PACRGL: variants seen among roughly 807,000 people sequenced by gnomAD.
The protein encoded by PACRGL is parkin coregulated like, also known as PACRG-like protein.
A neutral mutation model predicts 34.5 loss-of-function variants in PACRGL; 38 were observed. The observed-to-expected ratio is 1.10, with a 90% CI of 0.85 to 1.44. PACRGL has a LOEUF of 1.44. Ranked by LOEUF, PACRGL falls within the 40% of genes most tolerant of loss-of-function variation. The probability of loss-of-function intolerance (pLI) is 0.00; values close to 1 mark genes in which losing one functional copy is unlikely to be tolerated. For missense variants in PACRGL, 305 were observed against 281.4 expected (o/e 1.08, Z -0.60); for synonymous variants, 128 against 100.1 (o/e 1.28, Z -1.66).
At position 20,730,604 on chromosome 4, in the gene PACRGL, A is replaced by AACATGTTTGCAGTAATCATCTCTCTTTCT. The variant is rs1747834573; in HGVS notation, c.*3264_*3292dup. Among the ~76,000 whole-genome samples the AACATGTTTGCAGTAATCATCTCTCTTTCT allele has an allele frequency of 6.6e-6, 1 of 152,082 alleles. No individual in the cohort carries two copies. ...GAGGCAGGGTGGTGGATTAAGAGGT[A>AACATGTTTGCAGTAATCATCTCTCTTTCT]ACATGTTTGCAGTAATCATCTCTCT... On this transcript the variant is annotated 3_prime_UTR_variant, in exon 9 of 9. Transcript: ENST00000503585.
Position 20,713,496 on chromosome 4 carries a change from T to C in PACRGL, c.566T>C (p.Val189Ala), listed in dbSNP as rs367817884. 3.1e-5 allele frequency: 50 copies of C among 1,613,600 alleles called. No homozygotes were observed. The highest frequency in any genetic ancestry group is 4.0e-5 in the African/African-American group (3 of 74,910). Residue 189 changes from valine to alanine, a missense_variant, in exon 7 of 9, where the codon GTT becomes GCT. Coordinates refer to ENST00000503585, the MANE Select transcript of PACRGL (RefSeq NM_001258345.3). ...LNALVQLSVV[V>A]GPSLNDHLKH... ...GCTCTAGTTCAGCTAAGTGTCGTTG[T>C]TGGTCCTTCTCTAAACGACCATCTG...
chr4:20,754,560 A>G (rs1236522924), downstream of PACRGL, among the ~76,000 whole-genome samples: 4 of 152,204 alleles, frequency 2.6e-5, no homozygotes, highest in South Asian at 4.1e-4. Flanking sequence ...TATGATATTA[A>G]TTTTTAAAAA....
downstream of PACRGL, among the ~76,000 whole-genome samples, chr4:20,736,201 T>G (rs967059400): frequency 6.6e-6 from 1 of 152,214 alleles, no homozygotes; most frequent in Non-Finnish European, 1.5e-5. Flanking sequence ...TACACAAGTA[T>G]AAGATATATT....
intron 8 of PACRGL, among the ~76,000 whole-genome samples, chr4:20,748,754 A>G (rs1472363477): frequency 6.7e-6 from 1 of 150,226 alleles, no homozygotes; most frequent in African/African-American, 2.4e-5. Flanking sequence ...TTTCCCTAAC[A>G]AAAATAAAAG....
intron 7 of PACRGL, among the ~76,000 whole-genome samples, chr4:20,714,705 A>C (rs998930001): frequency 4.6e-5 from 7 of 152,184 alleles, no homozygotes; most frequent in Admixed American, 4.6e-4. Flanking sequence ...GTGGAAATGC[A>C]AATCAAAACC....
intron 7 of PACRGL, among the ~76,000 whole-genome samples, chr4:20,713,955 T>TG (rs1380708569): frequency 5.3e-5 from 8 of 152,202 alleles, no homozygotes; most frequent in African/African-American, 1.4e-4. Flanking sequence ...GGTGTGGTGC[T>TG]GAAAAAAATG....
chr4:20,740,936 A>G (rs530963309), intron 8 of PACRGL, among the ~76,000 whole-genome samples: 3 of 152,288 alleles, frequency 2.0e-5, no homozygotes, highest in Non-Finnish European at 4.4e-5. Flanking sequence ...TCTCTGATAA[A>G]ACAGACATTA....
Position 20,728,923 on chromosome 4 carries a change from T to TGATTA in PACRGL, c.*1582_*1583insGATTA, listed in dbSNP as rs397799349. ...ACTTTACAGTTTTGGCTAAGATGAT[T>TGATTA]AAAAATAATCTGAATTATGATGAGC... On this transcript the variant is annotated 3_prime_UTR_variant, in exon 9 of 9. Transcript: ENST00000503585. 2 of 152,198 alleles carry TGATTA rather than the reference T, an allele frequency of 1.3e-5. No individual in the cohort carries two copies. The highest frequency in any genetic ancestry group is 4.8e-5 in the African/African-American group (2 of 41,362). 9.4% of individuals were successfully genotyped at this position (152,198 alleles called of 1,614,324 possible).
chr4:20,713,441 G>T lies in PACRGL; in HGVS notation c.511G>T (p.Asp171Tyr). 2 of 1,613,374 alleles carry T rather than the reference G, an allele frequency of 1.2e-6. No homozygotes were observed. The highest frequency in any genetic ancestry group is 1.7e-6 in the Non-Finnish European group (2 of 1,179,614). Reference sequence around the variant, plus strand: ...CTAACCAACCTTACAGGTCCATTCGGATGATGAAGTGTTTGAAAGAGGATT... The same window carrying T: ...CTAACCAACCTTACAGGTCCATTCGTATGATGAAGTGTTTGAAAGAGGATT... ...PVLKAALVHS[D>Y]DEVFERGLNA... Residue 171 changes from aspartate (D) to tyrosine (Y), a missense_variant, in exon 7 of 9, where the codon GAT becomes TAT. Coordinates refer to ENST00000503585, the MANE Select transcript of PACRGL (RefSeq NM_001258345.3).
At position 20,731,619 on chromosome 4, in the gene PACRGL, T is replaced by G; in HGVS notation, c.*4278T>G. 1 of 985,200 alleles carries G rather than the reference T, an allele frequency of 1.0e-6. No individual in the cohort carries two copies. The highest frequency in any genetic ancestry group is 6.1e-5 in the Admixed American group (1 of 16,268). The allele number at this position is 985,200 out of a possible 1,614,324, so 61.0% of individuals were successfully genotyped here. On this transcript the variant is annotated 3_prime_UTR_variant, in exon 9 of 9. Transcript: ENST00000503585. ...AGAAGCTTGGCCTGTTGTGATGCCA[T>G]ACTTGGCTATCTAGGAATTCTAATG...
In PACRGL at chr4:20,729,924, C is replaced by T; in HGVS notation, c.*2583C>T. The T allele has an allele frequency of 2.5e-6, 2 of 796,212 alleles. No homozygotes were observed. The highest frequency in any genetic ancestry group is 3.4e-5 in the South Asian group (1 of 29,630). The allele number at this position is 796,212 out of a possible 1,614,324, so 49.3% of individuals were successfully genotyped here. A position where few individuals can be genotyped will look rare whatever the true frequency, so the allele number is the denominator to read the frequency against. ...GGATGCAAATTTATAACTGAAAGCT[C>T]AAATCTTTTGGGGATTGCTTTATAT... is the stretch of plus-strand genomic sequence containing the variant. On this transcript the variant is annotated 3_prime_UTR_variant, in exon 9 of 9. Transcript: ENST00000503585.
At chr4:20,702,087 G>A in intron 1 of PACRGL, 1 of 448,348 alleles carries the variant, frequency 2.2e-6, no homozygotes, top group Non-Finnish European at 4.5e-6. Flanking sequence ...TTTCAAATGA[G>A]TTTTGGTGAC....
At chr4:20,710,669 A>T (rs1279678232) in intron 5 of PACRGL, among the ~76,000 whole-genome samples, 1 of 152,190 alleles carries the variant, frequency 6.6e-6, no homozygotes, top group African/African-American at 2.4e-5. Context: ...AAGTGGGAGC[A>T]GAACTGAAAA....
Position 20,728,527 on chromosome 4 carries a change from G to T in PACRGL, c.*1186G>T, listed in dbSNP as rs1746707440. On this transcript the variant is annotated 3_prime_UTR_variant, in exon 9 of 9. Transcript: ENST00000503585. ...TTTTCATTGCATTGAGCACCATCCA[G>T]AGCTATCTGCCATCTAGAAAGTACT... is the stretch of plus-strand genomic sequence containing the variant. 6.6e-6 allele frequency: 1 copy of T among 152,204 alleles called. No homozygotes were observed. Among genetic ancestry groups the T allele is most frequent in the Admixed American group, 6.6e-5 (1 of 15,258 alleles). The allele number at this position is 152,204 out of a possible 1,614,324, so 9.4% of individuals were successfully genotyped here.
At chr4:20,740,670 T>C (rs1030685092) in intron 8 of PACRGL, among the ~76,000 whole-genome samples, 4 of 152,124 alleles carry the variant, frequency 2.6e-5, no homozygotes, top group Non-Finnish European at 5.9e-5. Context: ...CATCAACTAA[T>C]GAGCAAAATA....
At chr4:20,697,275 A>C (rs1449010620), upstream of PACRGL, among the ~76,000 whole-genome samples, 1 of 152,186 alleles carries the variant, frequency 6.6e-6, no homozygotes, top group African/African-American at 2.4e-5. Context: ...ATTGGGAATG[A>C]TTGCTTTGTC....
At chr4:20,708,304 G>A (rs1735492708) in intron 4 of PACRGL, among the ~76,000 whole-genome samples, 1 of 151,298 alleles carries the variant, frequency 6.6e-6, no homozygotes, top group African/African-American at 2.4e-5. Flanking sequence ...ACAGATGTCA[G>A]AACTTTAAAA....
At chr4:20,698,935 G>C (rs1731399084), upstream of PACRGL, among the ~76,000 whole-genome samples, 2 of 152,072 alleles carry the variant, frequency 1.3e-5, no homozygotes, top group Admixed American at 1.3e-4. Flanking sequence ...CAATAATGAA[G>C]AGGAAATTGA....
chr4:20,744,332 C>G (rs959823464), intron 8 of PACRGL, among the ~76,000 whole-genome samples: 2 of 152,174 alleles, frequency 1.3e-5, no homozygotes, highest in African/African-American at 2.4e-5. Flanking sequence ...CGGCACTATT[C>G]ACAGTAGCAA....
Sources: allele counts gnomAD v4.1 joint callset (sites outside exome capture counted in the v4.1 genomes callset), GRCh38; gene constraint gnomAD v4.1.1; transcripts MANE v1.5; gene names NCBI Gene and HGNC (gene_info 2026-07-23, HGNC 2026-07-21).